The following HYLS1 variants were observed in gnomAD, a reference collection of about 807,000 sequenced individuals.
The protein encoded by HYLS1 is centriolar and ciliogenesis-associated protein HYLS1.
In HYLS1, 25 loss-of-function variants were observed where a neutral mutation model predicts 29.4. The observed-to-expected ratio is 0.85, with a 90% CI of 0.62 to 1.19. The LOEUF (loss-of-function observed/expected upper bound fraction) is 1.19, where lower values mean the gene tolerates loss of function less well. Ranked by LOEUF, HYLS1 falls within the 50% of genes most tolerant of loss-of-function variation. The probability of loss-of-function intolerance (pLI) is 0.00; values close to 1 mark genes in which losing one functional copy is unlikely to be tolerated. For missense variants in HYLS1, 352 were observed against 365.1 expected (o/e 0.96, Z 0.29); for synonymous variants, 128 against 126.7 (o/e 1.01, Z -0.07).
In HYLS1 at chr11:125,887,708, C is replaced by G. The variant is rs1330186639; in HGVS notation, c.-133C>G. The G allele has an allele frequency of 1.3e-5, 2 of 152,308 alleles. No homozygotes were observed. Among genetic ancestry groups the G allele is most frequent in the African/African-American group, 2.4e-5 (1 of 41,484 alleles). The allele number at this position is 152,308 out of a possible 1,614,324, so 9.4% of individuals were successfully genotyped here. On this transcript the variant is annotated 5_prime_UTR_variant, in exon 1 of 3. Coordinates refer to ENST00000425380, the MANE Select transcript of HYLS1 (RefSeq NM_001134793.2). ...GTTACGCGAAAGCTAACAGAATCTG[C>G]GGTGCTCTGCTGGCGACTGGCAGGA...
chr11:125,899,470 G>C lies in HYLS1; in HGVS notation c.102G>C (p.Gln34His). ...CTTTTACCCACATCTGTGCAGGGCA[G>C]GGTGAAGGAGATGTCAGGAGAGAAG... is the stretch of plus-strand genomic sequence containing the variant. ...ATAFTHICAGQGEGDVRREAQ... is the reference protein window; with the variant it reads ...ATAFTHICAGHGEGDVRREAQ... The change falls in exon 3 of 3, where the codon CAG becomes CAC. Residue 34 changes from glutamine (Q) to histidine (H), a missense_variant. Physicochemically the swap from Gln to His is conservative, Grantham distance 24. Coordinates refer to ENST00000425380, the MANE Select transcript of HYLS1 (RefSeq NM_001134793.2). The C allele has an allele frequency of 1.9e-6, 3 of 1,614,216 alleles. No homozygotes were observed. The South Asian group carries it at 3.3e-5, about 18-fold the overall frequency.
intron 2 of HYLS1, chr11:125,894,071 T>C: frequency 6.2e-7 from 1 of 1,614,204 alleles, no homozygotes; most frequent in South Asian, 1.1e-5. Flanking sequence ...ATTTCCCCAT[T>C]CTGTCATTCC....
chr11:125,884,522 T>C (rs1489250272), upstream of HYLS1, among the ~76,000 whole-genome samples: 1 of 152,140 alleles, frequency 6.6e-6, no homozygotes, highest in African/African-American at 2.4e-5. Context: ...GGCAGGAGAA[T>C]AGCATGAACC....
At chr11:125,884,296 A>G (rs552926684), upstream of HYLS1, among the ~76,000 whole-genome samples, 1 of 152,370 alleles carries the variant, frequency 6.6e-6, no homozygotes, top group East Asian at 1.9e-4. Flanking sequence ...AAAATATATT[A>G]ACTACTTTAG....
At position 125,895,038 on chromosome 11, in the gene HYLS1, G is replaced by A. The variant is rs184431274; in HGVS notation, c.-26+3566G>A. Among the ~76,000 whole-genome samples, 4 of 151,228 alleles carry A rather than the reference G, an allele frequency of 2.6e-5. No individual in the cohort carries two copies. In the East Asian group the frequency reaches 7.8e-4, roughly 30 times the overall value. On this transcript the variant is annotated intron_variant, in intron 2 of 2. Coordinates refer to ENST00000425380, the MANE Select transcript of HYLS1 (RefSeq NM_001134793.2). Reference sequence around the variant, plus strand: ...ATTTAGACAGTTACGGTGGAGAGGAGGATATGCTATTTCTTTTTTTTTTTT... The same window carrying A: ...ATTTAGACAGTTACGGTGGAGAGGAAGATATGCTATTTCTTTTTTTTTTTT...
At position 125,899,693 on chromosome 11, in the gene HYLS1, G is replaced by A. The variant is rs1944703034; in HGVS notation, c.325G>A (p.Val109Ile). The A allele has an allele frequency of 3.1e-6, 5 of 1,614,230 alleles. No homozygotes were observed. Among genetic ancestry groups the A allele is most frequent in the Non-Finnish European group, 4.2e-6 (5 of 1,180,026 alleles). ...LRRKPDGEVL[V>I]TDESIISESE... is the part of the protein sequence containing the mutation. ...CAGAAAGCCAGATGGGGAAGTATTA[G>A]TAACAGATGAGTCGATTATCAGTGA... Residue 109 changes from valine to isoleucine, a missense_variant, in exon 3 of 3, where the codon GTA becomes ATA. Physicochemically the swap from Val to Ile is conservative, Grantham distance 29. Transcript: ENST00000425380.
At chr11:125,891,500 A>AC (rs1944408329) in intron 2 of HYLS1, 28 bp downstream of exon 2, 1 of 150,986 alleles carries the variant, frequency 6.6e-6, no homozygotes, top group South Asian at 2.1e-4. Flanking sequence ...AAAAAAAAAA[A>AC]CCTTGGTTTG....
chr11:125,896,017 CA>C (rs930317273), intron 2 of HYLS1: 1 of 1,614,066 alleles, frequency 6.2e-7, no homozygotes, highest in Non-Finnish European at 8.5e-7. Context: ...AGTTTCTCTT[CA>C]ATGGTATTAT....
chr11:125,895,223 C>A, intron 2 of HYLS1: 2 of 1,573,276 alleles, frequency 1.3e-6, no homozygotes, highest in Non-Finnish European at 8.6e-7. Context: ...TTTTAACTCA[C>A]CTATATTGAG....
rs746003872 is a variant in HYLS1 at position 125,896,164 on chromosome 11, T to G, written c.-25-3180T>G. On this transcript the variant is annotated intron_variant, in intron 2 of 2. Transcript: ENST00000425380. ...CCAGCTCCTGCTGAATTTTCTCTAATGTTTGAGTCCTCCTTATTTTTGGCC... is the reference window on the plus strand; with the variant it reads ...CCAGCTCCTGCTGAATTTTCTCTAAGGTTTGAGTCCTCCTTATTTTTGGCC... The G allele has an allele frequency of 1.7e-5, 28 of 1,614,088 alleles. No homozygotes were observed. The Admixed American group carries it at 1.8e-4, about 11-fold the overall frequency.
intron 2 of HYLS1, among the ~76,000 whole-genome samples, chr11:125,897,904 C>T (rs998994783): frequency 6.6e-6 from 1 of 152,142 alleles, no homozygotes; most frequent in African/African-American, 2.4e-5. Flanking sequence ...GCAAGATACT[C>T]GTGTTAGCAT....
intron 1 of HYLS1, among the ~76,000 whole-genome samples, chr11:125,889,572 A>G (rs1053186399): frequency 3.3e-5 from 5 of 152,118 alleles, no homozygotes; most frequent in African/African-American, 7.2e-5. Flanking sequence ...AGTCTCTACT[A>G]AAAATAGAAG....
Position 125,900,310 on chromosome 11 carries a change from A to C in HYLS1, c.*42A>C. 6.4e-7 allele frequency: 1 copy of C among 1,569,036 alleles called. No individual in the cohort carries two copies. On this transcript the variant is annotated 3_prime_UTR_variant, in exon 3 of 3. Coordinates refer to ENST00000425380, the MANE Select transcript of HYLS1 (RefSeq NM_001134793.2). ...TTCACAGGATTGTTTGAGATAACCT[A>C]GCTCTTTATATCTTCCCTTTTAAAT... is the stretch of plus-strand genomic sequence containing the variant.
intron 1 of HYLS1, among the ~76,000 whole-genome samples, chr11:125,891,132 G>A (rs1242157888): frequency 6.6e-6 from 1 of 152,184 alleles, no homozygotes; most frequent in Admixed American, 6.5e-5. Context: ...AAGAGAGCAA[G>A]TACTTTTGCA....
At chr11:125,893,844 T>A in intron 2 of HYLS1, 1 of 1,614,068 alleles carries the variant, frequency 6.2e-7, no homozygotes. Context: ...GTCTCCAAAT[T>A]AGTATTCTCT....
intron 1 of HYLS1, among the ~76,000 whole-genome samples, chr11:125,889,940 A>C: frequency 6.9e-6 from 1 of 144,426 alleles, no homozygotes; most frequent in African/African-American, 2.5e-5. Context: ...TCTGTTTATT[A>C]ATTTTTGTTG....
At chr11:125,888,916 C>T (rs1944360113) in intron 1 of HYLS1, among the ~76,000 whole-genome samples, 1 of 151,948 alleles carries the variant, frequency 6.6e-6, no homozygotes, top group Non-Finnish European at 1.5e-5. Context: ...ATGTTTTTAG[C>T]AATCCGAGCA....
At chr11:125,894,137 A>T in intron 2 of HYLS1, 2 of 1,614,144 alleles carry the variant, frequency 1.2e-6, no homozygotes, top group Non-Finnish European at 1.7e-6. Flanking sequence ...TCCTTGTAGC[A>T]TACTATACAA....
chr11:125,900,032 G>T lies in HYLS1; in HGVS notation c.664G>T (p.Asp222Tyr), dbSNP rs1193529131. The change falls in exon 3 of 3, where the codon GAC becomes TAC. Residue 222 changes from aspartate to tyrosine, a missense_variant. Coordinates refer to ENST00000425380, the MANE Select transcript of HYLS1 (RefSeq NM_001134793.2). ...RVARYFEYKR[D>Y]WDSIRLPGED... ...AGCCCGGTATTTTGAGTACAAACGG[G>T]ACTGGGACTCAATACGTTTACCTGG... is the stretch of plus-strand genomic sequence containing the variant. 2 of 1,614,082 alleles carry T rather than the reference G, an allele frequency of 1.2e-6. No homozygotes were observed. The highest frequency in any genetic ancestry group is 1.3e-5 in the African/African-American group (1 of 74,930).
Sources: gnomAD v4.1 joint callset for allele counts (sites outside exome capture counted in the v4.1 genomes callset) on GRCh38, gnomAD v4.1.1 for gene constraint, MANE v1.5 for transcripts, NCBI Gene and HGNC (gene_info 2026-07-23, HGNC 2026-07-21) for gene names.